The following PCDH15 variants were observed in gnomAD, a reference collection of about 807,000 sequenced individuals.
The protein encoded by PCDH15 is protocadherin-15.
Under a neutral mutation model 178.5 loss-of-function variants are expected in PCDH15, and 129 were observed. The ratio of observed to expected loss-of-function variants is 0.72; its 90% CI spans 0.63 to 0.84. The LOEUF (loss-of-function observed/expected upper bound fraction) is 0.84. PCDH15 is among the 40% of genes least tolerant of loss of function. PCDH15 has a pLI of 0.00. For missense variants in PCDH15, 2,230 were observed against 2,099.9 expected (o/e 1.06, Z -1.21); for synonymous variants, 800 against 732.0 (o/e 1.09, Z -1.50).
chr10:55,356,729 C>G (rs1270484725), intron 2 of PCDH15, among the ~76,000 whole-genome samples: 2 of 151,238 alleles, frequency 1.3e-5, no homozygotes, highest in African/African-American at 2.4e-5. Flanking sequence ...TTATAATTAC[C>G]CTGTAAGATA....
chr10:55,157,777 G>A (rs1359156739), intron 2 of PCDH15, among the ~76,000 whole-genome samples: 1 of 151,740 alleles, frequency 6.6e-6, no homozygotes, highest in East Asian at 1.9e-4. Context: ...GACACAGGAA[G>A]GGGTACATCA....
At position 53,999,155 on chromosome 10, in the gene PCDH15, A is replaced by G. The variant is rs540835307; in HGVS notation, c.2752-3390T>C. ...GAGGAGACACAGACAGTATAAGCCA[A>G]TGGGCGGAATGACTTTAGTTGTTTC... On this transcript the variant is annotated intron_variant, in intron 20 of 37. Transcript: ENST00000644397. Among the ~76,000 whole-genome samples the G allele has an allele frequency of 4.6e-4, 70 of 152,132 alleles. 2 individuals are homozygous for G. In the Middle Eastern group the frequency reaches 0.01, roughly 22 times the overall value.
intron 2 of PCDH15, among the ~76,000 whole-genome samples, chr10:55,128,789 G>T (rs1187554333): frequency 6.6e-6 from 1 of 151,752 alleles, no homozygotes; most frequent in Non-Finnish European, 1.5e-5. Flanking sequence ...GAGCTGTGAA[G>T]GCAGTCATCA....
At chr10:54,970,273 T>C (rs1414130083) in intron 2 of PCDH15, among the ~76,000 whole-genome samples, 2 of 152,204 alleles carry the variant, frequency 1.3e-5, no homozygotes, top group South Asian at 2.1e-4. Context: ...TATTTTGTTA[T>C]TGCAGCACAA....
At chr10:55,269,760 T>C (rs1842391973) in intron 1 of PCDH15, among the ~76,000 whole-genome samples, 1 of 152,066 alleles carries the variant, frequency 6.6e-6, no homozygotes, top group South Asian at 2.1e-4. Flanking sequence ...AATATCATTT[T>C]TCACAGTTAG....
chr10:55,035,771 T>C (rs891788027), intron 2 of PCDH15, among the ~76,000 whole-genome samples: 4 of 152,152 alleles, frequency 2.6e-5, no homozygotes, highest in Non-Finnish European at 4.4e-5. Flanking sequence ...TTTTCATAAA[T>C]TATATGAATA....
chr10:54,450,390 G>A (rs1283686272), intron 3 of PCDH15, among the ~76,000 whole-genome samples: 1 of 151,094 alleles, frequency 6.6e-6, no homozygotes, highest in African/African-American at 2.4e-5. Context: ...GTGTTTTTTT[G>A]TAATTATTTA....
At chr10:54,419,130 T>A (rs1954867332) in intron 3 of PCDH15, among the ~76,000 whole-genome samples, 1 of 142,864 alleles carries the variant, frequency 7.0e-6, no homozygotes, top group South Asian at 2.2e-4. Context: ...CATACACTTA[T>A]AATATATTGT....
chr10:54,644,156 T>C (rs918116889), intron 2 of PCDH15, among the ~76,000 whole-genome samples: 1 of 151,272 alleles, frequency 6.6e-6, no homozygotes, highest in Non-Finnish European at 1.5e-5. Flanking sequence ...ACTCATCATT[T>C]TTTTATGGCT....
At chr10:54,108,587 A>C (rs1230616066) in intron 15 of PCDH15, among the ~76,000 whole-genome samples, 2 of 152,094 alleles carry the variant, frequency 1.3e-5, no homozygotes, top group African/African-American at 4.8e-5. Context: ...CTCCTATGCA[A>C]GTACTAGTGC....
At chr10:54,822,308 C>T (rs1953056613) in intron 3 of PCDH15, among the ~76,000 whole-genome samples, 2 of 152,098 alleles carry the variant, frequency 1.3e-5, no homozygotes, top group Admixed American at 1.3e-4. Context: ...CCCTCTCAGC[C>T]TCTGGTAACC....
At chr10:54,036,789 T>C (rs550056099) in intron 18 of PCDH15, among the ~76,000 whole-genome samples, 24 of 152,056 alleles carry the variant, frequency 1.6e-4, no homozygotes, top group African/African-American at 5.5e-4. Context: ...ATAGCTGTCA[T>C]TGATAGTTAT....
chr10:55,353,113 G>A (rs898713164), intron 2 of PCDH15, among the ~76,000 whole-genome samples: 3 of 152,038 alleles, frequency 2.0e-5, no homozygotes, highest in African/African-American at 4.8e-5. Context: ...CTGACCATCC[G>A]ACTACCACTT....
chr10:55,537,370 C>T (rs146345429), intron 2 of PCDH15, among the ~76,000 whole-genome samples: 2 of 152,054 alleles, frequency 1.3e-5, no homozygotes, highest in East Asian at 3.9e-4. Flanking sequence ...CAATACTGAA[C>T]ACCTGCTATT....
chr10:55,157,809 G>A (rs1838932459), intron 2 of PCDH15, among the ~76,000 whole-genome samples: 1 of 151,558 alleles, frequency 6.6e-6, no homozygotes, highest in Non-Finnish European at 1.5e-5. Flanking sequence ...CTGCTGTGGG[G>A]TGGGGGAAGG....
intron 1 of PCDH15, among the ~76,000 whole-genome samples, chr10:55,279,536 G>C (rs1173396859): frequency 2.6e-5 from 4 of 152,156 alleles, no homozygotes; most frequent in African/African-American, 9.6e-5. Context: ...TCCACACTTA[G>C]AAGAGCCTCA....
At chr10:54,140,387 A>G (rs1482996802) in intron 14 of PCDH15, among the ~76,000 whole-genome samples, 1 of 151,898 alleles carries the variant, frequency 6.6e-6, no homozygotes, top group Non-Finnish European at 1.5e-5. Context: ...CATCAGGTTA[A>G]TTTTTTTTGG....
intron 8 of PCDH15, among the ~76,000 whole-genome samples, chr10:54,244,377 T>C (rs1424047804): frequency 6.6e-6 from 1 of 152,200 alleles, no homozygotes; most frequent in Non-Finnish European, 1.5e-5. Context: ...TTTCTATGGA[T>C]CATCAAATGA....
At chr10:54,560,415 C>A (rs1039262451) in intron 2 of PCDH15, among the ~76,000 whole-genome samples, 1 of 151,956 alleles carries the variant, frequency 6.6e-6, no homozygotes, top group Non-Finnish European at 1.5e-5. Flanking sequence ...TGCAATATAT[C>A]AAATTATTTT....
Sources: gnomAD v4.1 joint callset for allele counts (sites outside exome capture counted in the v4.1 genomes callset) on GRCh38, gnomAD v4.1.1 for gene constraint, MANE v1.5 for transcripts, NCBI Gene and HGNC (gene_info 2026-07-23, HGNC 2026-07-21) for gene names.